The following EIF4ENIF1 variants were observed in gnomAD, a reference collection of about 807,000 sequenced individuals.
The protein encoded by EIF4ENIF1 is eukaryotic translation initiation factor 4E nuclear import factor 1.
A neutral mutation model predicts 110.5 loss-of-function variants in EIF4ENIF1; 23 were observed. That is an observed-to-expected ratio of 0.21 (90% CI 0.15 to 0.29). EIF4ENIF1 has a LOEUF of 0.29. EIF4ENIF1 is among the 10% of genes least tolerant of loss of function. The probability of loss-of-function intolerance (pLI) is 1.00; values close to 1 mark genes in which losing one functional copy is unlikely to be tolerated. For synonymous variants in EIF4ENIF1, 440 were observed against 437.0 expected (o/e 1.01, Z -0.09); for missense variants, 1,031 against 1,221.1 (o/e 0.84, Z 2.32).
In EIF4ENIF1 at chr22:31,458,669, C is replaced by A. The variant is rs1330951646; in HGVS notation, c.788-19G>T. ...ACTATACCTGAAAGCAAAACCAGGA[C>A]AAAAACCGTCTGATAAGTAAATCAC... On this transcript the variant is annotated intron_variant, in intron 6 of 18. Transcript: ENST00000330125. The A allele has an allele frequency of 6.4e-7, 1 of 1,556,512 alleles. No individual in the cohort carries two copies. Among genetic ancestry groups the A allele is most frequent in the South Asian group, 1.2e-5 (1 of 85,342 alleles).
chr22:31,458,227 C>CAA (rs199867405), intron 7 of EIF4ENIF1, among the ~76,000 whole-genome samples: 331 of 103,358 alleles, frequency 3.2e-3, no homozygotes, highest in Non-Finnish European at 5.4e-3. Flanking sequence ...GATTCCAACT[C>CAA]AAAAAAAAAA....
intron 2 of EIF4ENIF1, among the ~76,000 whole-genome samples, chr22:31,475,625 G>A (rs1406541896): frequency 1.3e-5 from 2 of 151,372 alleles, no homozygotes; most frequent in African/African-American, 2.4e-5. Flanking sequence ...GGTAGCGGAC[G>A]CCTGTAATCC....
chr22:31,482,068 G>A (rs1703997496), intron 2 of EIF4ENIF1, among the ~76,000 whole-genome samples: 1 of 151,998 alleles, frequency 6.6e-6, no homozygotes, highest in Admixed American at 6.6e-5. Flanking sequence ...CTACTCAGGA[G>A]GCTGAGGTGG....
At chr22:31,486,851 C>A (rs185927180) in intron 2 of EIF4ENIF1, among the ~76,000 whole-genome samples, 1 of 150,880 alleles carries the variant, frequency 6.6e-6, no homozygotes, top group Admixed American at 6.6e-5. Flanking sequence ...GAGGCCAAGG[C>A]GGGCAGATCA....
At chr22:31,442,170 T>G (rs376763856) in intron 16 of EIF4ENIF1, 52 bp from the exon 17 acceptor site, 128 of 1,384,250 alleles carry the variant, frequency 9.2e-5, no homozygotes, top group Non-Finnish European at 1.3e-4. Flanking sequence ...CAAACACTTG[T>G]GGCCTCCCAC....
At chr22:31,462,835 G>A (rs1398572002) in intron 6 of EIF4ENIF1, 97 bp downstream of exon 6, 7 of 1,284,212 alleles carry the variant, frequency 5.5e-6, no homozygotes, top group South Asian at 1.4e-5. Context: ...CGCCCACCTC[G>A]GCCTCCCAAA....
At chr22:31,446,055 G>A (rs894116634) in intron 14 of EIF4ENIF1, among the ~76,000 whole-genome samples, 9 of 149,692 alleles carry the variant, frequency 6.0e-5, no homozygotes, top group African/African-American at 1.2e-4. Flanking sequence ...TTTGGGGACC[G>A]AAGCAGGTGA....
chr22:31,482,410 G>C (rs1043697168), intron 2 of EIF4ENIF1, among the ~76,000 whole-genome samples: 1 of 151,974 alleles, frequency 6.6e-6, no homozygotes, highest in Non-Finnish European at 1.5e-5. Flanking sequence ...GGCCGGGTGC[G>C]GTAGCTCACG....
chr22:31,467,713 C>T (rs985650513), intron 4 of EIF4ENIF1, among the ~76,000 whole-genome samples: 1 of 152,004 alleles, frequency 6.6e-6, no homozygotes, highest in Non-Finnish European at 1.5e-5. Flanking sequence ...ATCCCAGCTA[C>T]TTGGGTGGCT....
chr22:31,454,426 A>G, intron 9 of EIF4ENIF1, 50 bp from the exon 10 acceptor site: 1 of 1,485,082 alleles, frequency 6.7e-7, no homozygotes, highest in South Asian at 1.1e-5. Context: ...GATATCTGGT[A>G]GGAATTCTCT....
In EIF4ENIF1 at chr22:31,449,534, A is replaced by G; in HGVS notation, c.1585-3T>C. The G allele has an allele frequency of 6.2e-7, 1 of 1,608,462 alleles. No individual in the cohort carries two copies. Among genetic ancestry groups the G allele is most frequent in the Admixed American group, 1.7e-5 (1 of 58,290 alleles). On this transcript the variant is annotated splice_polypyrimidine_tract_variant and splice_region_variant and intron_variant, in intron 11 of 18. Transcript: ENST00000330125. ...TGAACTGGTTGACCCAGAAGTTCCT[A>G]AAGGCAGAAAAGCCAAATCCCTGTG... is the stretch of plus-strand genomic sequence containing the variant.
chr22:31,483,970 A>G (rs1001638830), intron 2 of EIF4ENIF1, among the ~76,000 whole-genome samples: 3 of 152,202 alleles, frequency 2.0e-5, no homozygotes, highest in East Asian at 1.9e-4. Context: ...AATGCACCCA[A>G]TGTGACTCTA....
chr22:31,442,640 G>A (rs112035861), intron 16 of EIF4ENIF1, among the ~76,000 whole-genome samples: 2 of 152,096 alleles, frequency 1.3e-5, no homozygotes, highest in South Asian at 2.1e-4. Context: ...AGTAAAACTC[G>A]CTGAATTATA....
At chr22:31,483,992 T>G (rs1243684326) in intron 2 of EIF4ENIF1, among the ~76,000 whole-genome samples, 1 of 152,178 alleles carries the variant, frequency 6.6e-6, no homozygotes, top group Admixed American at 6.6e-5. Context: ...CTTGAGGTCC[T>G]AAAATATTCT....
At position 31,479,806 on chromosome 22, in the gene EIF4ENIF1, A is replaced by C. The variant is rs2051743827; in HGVS notation, c.97-7889T>G. Among the ~76,000 whole-genome samples the C allele has an allele frequency of 2.0e-5, 3 of 150,048 alleles. No individual in the cohort carries two copies. In the South Asian group the frequency reaches 6.3e-4, roughly 32 times the overall value. Reference sequence around the variant, plus strand: ...CTCACTGCAGCCTCAAAACTCATGGACTCAAGTGATCTTTCTTGCCTCAGC... The same window carrying C: ...CTCACTGCAGCCTCAAAACTCATGGCCTCAAGTGATCTTTCTTGCCTCAGC... On this transcript the variant is annotated intron_variant, in intron 2 of 18. Coordinates refer to ENST00000330125, the MANE Select transcript of EIF4ENIF1 (RefSeq NM_019843.4).
intron 7 of EIF4ENIF1, among the ~76,000 whole-genome samples, chr22:31,456,307 T>C (rs1365446680): frequency 6.7e-6 from 1 of 149,640 alleles, no homozygotes; most frequent in African/African-American, 2.5e-5. Context: ...CACTGCAAGC[T>C]CCGCCTCCCG....
chr22:31,488,209 C>T (rs975517833), intron 2 of EIF4ENIF1, among the ~76,000 whole-genome samples: 1 of 152,166 alleles, frequency 6.6e-6, no homozygotes, highest in Non-Finnish European at 1.5e-5. Flanking sequence ...GAAAAGCACA[C>T]TCAAGAGCAT....
chr22:31,455,779 A>G, intron 8 of EIF4ENIF1, 73 bp downstream of exon 8: 2 of 1,584,814 alleles, frequency 1.3e-6, no homozygotes, highest in Non-Finnish European at 1.7e-6. Flanking sequence ...CTCCTGACTA[A>G]TGAAGATAAA....
At chr22:31,491,872 G>A (rs1178165117), upstream of EIF4ENIF1, among the ~76,000 whole-genome samples, 2 of 152,106 alleles carry the variant, frequency 1.3e-5, no homozygotes, top group Admixed American at 6.6e-5. Flanking sequence ...CTAGAAACCC[G>A]GAAATTATGG....
Sources: allele counts gnomAD v4.1 joint callset (sites outside exome capture counted in the v4.1 genomes callset), GRCh38; gene constraint gnomAD v4.1.1; transcripts MANE v1.5; gene names NCBI Gene and HGNC (gene_info 2026-07-23, HGNC 2026-07-21).